The following FCRL5 variants were observed in gnomAD, a reference collection of about 807,000 sequenced individuals.
The protein encoded by FCRL5 is Fc receptor like 5.
In FCRL5, 79 loss-of-function variants were observed where a neutral mutation model predicts 92.1. The ratio of observed to expected loss-of-function variants is 0.86; its 90% CI spans 0.72 to 1.03. The LOEUF is 1.03. Among genes scored for constraint, FCRL5 ranks in the 50% least tolerant of loss-of-function variants. The probability of loss-of-function intolerance (pLI) is 0.00; values close to 1 mark genes in which losing one functional copy is unlikely to be tolerated. For missense variants in FCRL5, 1,160 were observed against 1,181.1 expected (o/e 0.98, Z 0.26); for synonymous variants, 466 against 469.3 (o/e 0.99, Z 0.09).
At chr1:157,525,100 AT>A (rs1305116501) in intron 9 of FCRL5, among the ~76,000 whole-genome samples, 2 of 152,250 alleles carry the variant, frequency 1.3e-5, no homozygotes, top group Admixed American at 6.5e-5. Context: ...GGAATCAGTG[AT>A]GAGAAAGACA....
chr1:157,534,774 A>G lies in FCRL5; in HGVS notation c.1521T>C (p.Phe507=), dbSNP rs113699158. ...TCCACAGGGGCATGTCCTCATGATA[A>G]AACTGGTATAGGATTTGTGGGGAAC... The part of the protein sequence containing the change: ...QRGSPQILYQ[F]YHEDMPLWSS... The change falls in exon 8 of 17, where the codon TTT becomes TTC. Residue 507 remains phenylalanine, a synonymous_variant. Coordinates refer to ENST00000361835, the MANE Select transcript of FCRL5 (RefSeq NM_031281.3). 3.7e-4 allele frequency: 604 copies of G among 1,614,006 alleles called. 2 individuals carry two copies. The African/African-American group carries it at 7.2e-3, about 19-fold the overall frequency.
chr1:157,524,243 T>G (rs752430833), intron 10 of FCRL5, 36 bp downstream of exon 10: 2 of 1,611,768 alleles, frequency 1.2e-6, no homozygotes, highest in Non-Finnish European at 1.7e-6. Context: ...CACAGTCAGT[T>G]CTCAGATGTG....
Position 157,521,275 on chromosome 1 carries a change from C to G in FCRL5, c.2257G>C (p.Val753Leu). 6.2e-7 allele frequency: 1 copy of G among 1,609,296 alleles called. No homozygotes were observed. The change falls in exon 11 of 17, where the codon GTC becomes CTC. Residue 753 changes from valine to leucine, a missense_variant. Transcript: ENST00000361835. ...GTCCCGGGAGCCCTGAGGGTGAGGACCGGGCGAGACACCGGAACTGAAAGA... is the reference window on the plus strand; with the variant it reads ...GTCCCGGGAGCCCTGAGGGTGAGGAGCGGGCGAGACACCGGAACTGAAAGA... ...LKVAVPVSRP[V>L]LTLRAPGTHA...
rs1338785628 is a variant in FCRL5, at chr1:157,521,111, G to A, written c.2421C>T (p.Leu807=). 3 of 1,614,080 alleles carry A rather than the reference G, an allele frequency of 1.9e-6. No homozygotes were observed. Among genetic ancestry groups the A allele is most frequent in the South Asian group, 2.2e-5 (2 of 91,082 alleles). The change falls in exon 11 of 17, where the codon CTC becomes CTT. Residue 807 remains leucine, a synonymous_variant. Coordinates refer to ENST00000361835, the MANE Select transcript of FCRL5 (RefSeq NM_031281.3). The part of the protein sequence containing the change: ...SSPSGGASLN[L]SLTAEHSGNY... The stretch of plus-strand genomic sequence containing the variant: ...TTCCAGAGTGCTCTGCAGTCAGAGA[G>A]AGGTTTAAGGACGCTCCTCCAGAGG...
intron 8 of FCRL5, chr1:157,531,953 G>A (rs1268333654): frequency 6.6e-6 from 1 of 152,114 alleles, no homozygotes; most frequent in Non-Finnish European, 1.5e-5. Flanking sequence ...TTACAAAAAA[G>A]CTAGAAGAGA....
intron 8 of FCRL5, chr1:157,528,170 A>G (rs1266775816): frequency 7.7e-6 from 2 of 261,318 alleles, no homozygotes; most frequent in African/African-American, 4.4e-5. Flanking sequence ...CTATACACCA[A>G]TAGTGACCAA....
chr1:157,541,188 C>G (rs1651243747), intron 6 of FCRL5, among the ~76,000 whole-genome samples: 1 of 152,156 alleles, frequency 6.6e-6, no homozygotes, highest in Admixed American at 6.5e-5. Context: ...CACAGTGCCT[C>G]TTGCTTCAAC....
Position 157,521,233 on chromosome 1 carries a change from C to T in FCRL5, c.2299G>A (p.Asp767Asn), listed in dbSNP as rs769422410. The change falls in exon 11 of 17, where the codon GAC becomes AAC. Residue 767 changes from aspartate (D) to asparagine (N), a missense_variant. Transcript: ENST00000361835. ...GCCTCACAGTGAAGCTCCAGCAGGT[C>T]CCCCACCGCAGCATGGGTCCCGGGA... Reference protein sequence around the residue: ...RAPGTHAAVGDLLELHCEALR... With the variant: ...RAPGTHAAVGNLLELHCEALR... 116 of 1,613,974 alleles carry T rather than the reference C, an allele frequency of 7.2e-5. No homozygotes were observed. The highest frequency in any genetic ancestry group is 9.4e-5 in the Non-Finnish European group (111 of 1,180,022).
At position 157,545,020 on chromosome 1, in the gene FCRL5, G is replaced by A. The variant is rs745829823; in HGVS notation, c.370C>T (p.Arg124Trp). The A allele has an allele frequency of 1.4e-5, 23 of 1,613,406 alleles. No homozygotes were observed. The highest frequency in any genetic ancestry group is 1.3e-4 in the Admixed American group (8 of 60,008). Residue 124 changes from arginine to tryptophan, a missense_variant, in exon 4 of 17, where the codon CGG (arginine) becomes TGG (tryptophan). Arg to Trp is a moderately radical substitution (Grantham distance 101). Coordinates refer to ENST00000361835, the MANE Select transcript of FCRL5 (RefSeq NM_031281.3). ...FEGDSVVLRCRAKAEVTLNNT... is the reference protein window; with the variant it reads ...FEGDSVVLRCWAKAEVTLNNT... ...TTCAGTGTTACTTCCGCCTTTGCCC[G>A]GCACCTCAGAACCACAGAGTCTCCT... is the stretch of plus-strand genomic sequence containing the variant.
intron 2 of FCRL5, 52 bp downstream of exon 2, chr1:157,549,508 A>C: frequency 6.4e-7 from 1 of 1,550,980 alleles, no homozygotes; most frequent in South Asian, 1.2e-5. Context: ...ATTTATTAGG[A>C]AGAGACACTC....
rs763174950 is a variant in FCRL5 at position 157,539,167 on chromosome 1, C to T, written c.1321G>A (p.Glu441Lys). 1.2e-6 allele frequency: 2 copies of T among 1,614,214 alleles called. No homozygotes were observed. The highest frequency in any genetic ancestry group is 1.7e-6 in the Non-Finnish European group (2 of 1,180,034). Reference protein sequence around the residue: ...GVAISFSLTAEHSGNYYCTAD... With the variant: ...GVAISFSLTAKHSGNYYCTAD... The stretch of plus-strand genomic sequence containing the variant: ...GTGCAGTAGTAGTTCCCTGAATGCT[C>T]TGCAGTCAGAGAGAAGCTGATGGCC... The change falls in exon 7 of 17, where the codon GAG (glutamate) becomes AAG (lysine). Residue 441 changes from glutamate to lysine, a missense_variant. Glu to Lys is a moderately conservative substitution (Grantham distance 56). Transcript: ENST00000361835.
Position 157,547,100 on chromosome 1 carries a change from G to A in FCRL5, c.150C>T (p.Tyr50=). 1.2e-6 allele frequency: 2 copies of A among 1,614,202 alleles called. No homozygotes were observed. Among genetic ancestry groups the A allele is most frequent in the Non-Finnish European group, 1.7e-6 (2 of 1,180,038 alleles). The part of the protein sequence containing the change: ...VTLTCKGFRF[Y]SPQKTKWYHR... ...GGTACCATTTTGTTTTCTGTGGTGA[G>A]TAGAAGCGAAATCCCTTGCAAGTGA... Residue 50 remains tyrosine (Y), a synonymous_variant, in exon 3 of 17, where the codon TAC becomes TAT. Transcript: ENST00000361835.
At chr1:157,530,057 T>A (rs558182855) in intron 8 of FCRL5, among the ~76,000 whole-genome samples, 1 of 152,390 alleles carries the variant, frequency 6.6e-6, no homozygotes, top group South Asian at 2.1e-4. Context: ...CCATTTTCTT[T>A]ATTTTTTCAG....
rs186273770 is a variant in FCRL5 at position 157,548,899 on chromosome 1, C to T, written c.52+661G>A. ...TGGCGATTCCTCAGGGATCTAGAAG[C>T]AGAAATACCATTTGACCCAGCCATC... On this transcript the variant is annotated intron_variant, in intron 2 of 16. Coordinates refer to ENST00000361835, the MANE Select transcript of FCRL5 (RefSeq NM_031281.3). Among the ~76,000 whole-genome samples the T allele has an allele frequency of 2.6e-5, 4 of 152,156 alleles. No individual in the cohort carries two copies. In the South Asian group the frequency reaches 6.2e-4, roughly 24 times the overall value.
Position 157,542,890 on chromosome 1 carries a change from C to A in FCRL5, c.1092G>T (p.Lys364Asn). 1 of 1,613,602 alleles carries A rather than the reference C, an allele frequency of 6.2e-7. No homozygotes were observed. The highest frequency in any genetic ancestry group is 1.1e-5 in the South Asian group (1 of 91,040). Residue 364 changes from lysine (K) to asparagine (N), a missense_variant, in exon 6 of 17, where the codon AAG (lysine) becomes AAT (asparagine). Coordinates refer to ENST00000361835, the MANE Select transcript of FCRL5 (RefSeq NM_031281.3). The part of the protein sequence containing the change: ...YCTADNGLGA[K>N]PSKAVSLSVT... ...CTGAGAGGCTCACAGCCTTACTGGG[C>A]TTGGCGCCAAGGCCATTGTCAGCTG...
chr1:157,549,919 G>A (rs1651740309), intron 1 of FCRL5, among the ~76,000 whole-genome samples: 1 of 152,050 alleles, frequency 6.6e-6, no homozygotes, highest in South Asian at 2.1e-4. Flanking sequence ...GGGGGCAGAA[G>A]GGCCACTAGC....
At chr1:157,543,176 C>A in intron 5 of FCRL5, 39 bp from the exon 6 acceptor site, 1 of 1,588,460 alleles carries the variant, frequency 6.3e-7, no homozygotes, top group Non-Finnish European at 8.6e-7. Context: ...TTGCTTTTGC[C>A]TCTTACTGTA....
intron 6 of FCRL5, among the ~76,000 whole-genome samples, chr1:157,540,582 C>T (rs937920153): frequency 6.6e-6 from 1 of 151,586 alleles, no homozygotes; most frequent in Admixed American, 6.6e-5. Context: ...ATTTGCAGTT[C>T]CTCACAGTCG....
intron 4 of FCRL5, 58 bp downstream of exon 4, chr1:157,544,773 A>G (rs1310084184): frequency 8.1e-6 from 13 of 1,603,388 alleles, no homozygotes; most frequent in African/African-American, 2.7e-5. Flanking sequence ...TTCTATCTCT[A>G]TGACCCCAAG....
Sources: gnomAD v4.1 joint callset for allele counts (sites outside exome capture counted in the v4.1 genomes callset) on GRCh38, gnomAD v4.1.1 for gene constraint, MANE v1.5 for transcripts, NCBI Gene and HGNC (gene_info 2026-07-23, HGNC 2026-07-21) for gene names.